Variants in SMOC2 observed in about 807,000 individuals in gnomAD.
The protein encoded by SMOC2 is SPARC-related modular calcium-binding protein 2.
A neutral mutation model predicts 61.4 loss-of-function variants in SMOC2; 39 were observed. The observed-to-expected ratio is 0.64, with a 90% confidence interval of 0.49 to 0.83. SMOC2 has a LOEUF of 0.83. Ranked by LOEUF, SMOC2 falls within the 40% of genes least tolerant of loss-of-function variation. The probability of loss-of-function intolerance (pLI) is 0.00; values close to 1 mark genes in which losing one functional copy is unlikely to be tolerated. For missense variants in SMOC2, 556 were observed against 592.9 expected (o/e 0.94, Z 0.65); for synonymous variants, 247 against 239.9 (o/e 1.03, Z -0.27).
rs140607374 is a variant in SMOC2, at chr6:168,525,193, G to A, written c.257-1153G>A. 1.9e-3 allele frequency among the ~76,000 whole-genome samples: 292 copies of A among 152,356 alleles called. 1 individual carries two copies. Among genetic ancestry groups the A allele is most frequent in the African/African-American group, 6.5e-3 (271 of 41,586 alleles). ...TGGTGTGATGGTCCCAAGAAGTAAA[G>A]CATGCATGTGTGTTCTGCTTCCGGG... On this transcript the variant is annotated intron_variant, in intron 2 of 12. Coordinates refer to ENST00000356284, the MANE Select transcript of SMOC2 (RefSeq NM_001166412.2).
At chr6:168,586,115 T>C (rs142662319) in intron 7 of SMOC2, among the ~76,000 whole-genome samples, 91 of 152,288 alleles carry the variant, frequency 6.0e-4, no homozygotes, top group African/African-American at 2.1e-3. Flanking sequence ...AGTCTTTATA[T>C]TTTTAGCTTT....
intron 9 of SMOC2, among the ~76,000 whole-genome samples, chr6:168,618,241 GC>G (rs1346609888): frequency 6.6e-6 from 1 of 152,222 alleles, no homozygotes; most frequent in Non-Finnish European, 1.5e-5. Context: ...CTACAAACAA[GC>G]CGATCATGAT....
chr6:168,487,997 TGAG>T lies in SMOC2; in HGVS notation c.85-21911_85-21909del, dbSNP rs532585046. Among the ~76,000 whole-genome samples, 307 of 152,318 alleles carry T rather than the reference TGAG, an allele frequency of 2.0e-3. 1 individual carries two copies. The highest frequency in any genetic ancestry group is 7.0e-3 in the African/African-American group (289 of 41,574). ...TAATGGTGATTTCGAGAGCAATATTTGAGGAGGAGTATTTTACTGCTTTTCTCT... is the reference window on the plus strand; with the variant it reads ...TAATGGTGATTTCGAGAGCAATATTTGAGGAGTATTTTACTGCTTTTCTCT... On this transcript the variant is annotated intron_variant, in intron 1 of 12. Coordinates refer to ENST00000356284, the MANE Select transcript of SMOC2 (RefSeq NM_001166412.2).
At chr6:168,613,067 A>G (rs1480153521) in intron 9 of SMOC2, among the ~76,000 whole-genome samples, 1 of 152,174 alleles carries the variant, frequency 6.6e-6, no homozygotes, top group African/African-American at 2.4e-5. Context: ...TCGAATGAGC[A>G]GACTGGCTTT....
chr6:168,567,946 G>A (rs1184475394), intron 7 of SMOC2, among the ~76,000 whole-genome samples: 2 of 151,486 alleles, frequency 1.3e-5, no homozygotes, highest in African/African-American at 4.9e-5. Context: ...TTAGAATTTA[G>A]TGCATCTTCT....
intron 9 of SMOC2, among the ~76,000 whole-genome samples, chr6:168,623,690 A>G (rs565920068): frequency 6.7e-6 from 1 of 150,296 alleles, no homozygotes; most frequent in South Asian, 2.3e-4. Context: ...CATGCCTGTA[A>G]TCCCAGCGAC....
At chr6:168,447,320 T>C (rs1238355933) in intron 1 of SMOC2, among the ~76,000 whole-genome samples, 2 of 152,166 alleles carry the variant, frequency 1.3e-5, no homozygotes, top group Non-Finnish European at 2.9e-5. Flanking sequence ...ATCCACTCAC[T>C]GTGGCTGGTC....
At position 168,554,000 on chromosome 6, in the gene SMOC2, C is replaced by T. The variant is rs1473468473; in HGVS notation, c.637+4797C>T. Among the ~76,000 whole-genome samples the T allele has an allele frequency of 1.3e-5, 2 of 148,990 alleles. No individual in the cohort carries two copies. The highest frequency in any genetic ancestry group is 2.0e-4 in the East Asian group (1 of 5,052). The stretch of plus-strand genomic sequence containing the variant: ...TTGGTAGGAAGATTATTCCATGGGA[C>T]GAGTCGGTTAAAACTCGCGTTTGAA... On this transcript the variant is annotated intron_variant, in intron 7 of 12. Transcript: ENST00000356284. The surrounding 1 kb of genome is among the most constrained non-coding windows in gnomAD (Gnocchi z 4.2).
chr6:168,511,959 G>A (rs1783020128), intron 2 of SMOC2, among the ~76,000 whole-genome samples: 1 of 152,114 alleles, frequency 6.6e-6, no homozygotes. Flanking sequence ...GAAGATGATT[G>A]TATTATACAT....
chr6:168,578,054 G>A (rs147191091), intron 7 of SMOC2, among the ~76,000 whole-genome samples: 12 of 152,306 alleles, frequency 7.9e-5, no homozygotes, highest in African/African-American at 1.4e-4. Context: ...ATCTGTGTCC[G>A]CAGGGTTAAA....
chr6:168,481,555 C>T (rs962505396), intron 1 of SMOC2, among the ~76,000 whole-genome samples: 1 of 151,922 alleles, frequency 6.6e-6, no homozygotes, highest in Non-Finnish European at 1.5e-5. Flanking sequence ...AAATGTTTCA[C>T]TACAAATAGT....
chr6:168,630,280 G>T (rs1786532377), intron 9 of SMOC2, among the ~76,000 whole-genome samples: 1 of 152,208 alleles, frequency 6.6e-6, no homozygotes, highest in Non-Finnish European at 1.5e-5. Context: ...TGAAGCCATG[G>T]CAGAAGAACG....
chr6:168,606,483 GCTGGATGGGGTC>G (rs1785694045), intron 8 of SMOC2, among the ~76,000 whole-genome samples: 1 of 152,180 alleles, frequency 6.6e-6, no homozygotes, highest in Non-Finnish European at 1.5e-5. Context: ...TCTTATGACA[GCTGGATGGGGTC>G]CTCTCACTGG....
chr6:168,660,079 C>T (rs925463430), intron 11 of SMOC2, among the ~76,000 whole-genome samples: 3 of 82,736 alleles, frequency 3.6e-5, no homozygotes, highest in Non-Finnish European at 5.3e-5. Context: ...CTGCTCCTCA[C>T]GGTCTCTGGG....
chr6:168,582,792 C>CAGAGCTG (rs1784949719), intron 7 of SMOC2, among the ~76,000 whole-genome samples: 2 of 152,208 alleles, frequency 1.3e-5, no homozygotes, highest in African/African-American at 4.8e-5. Flanking sequence ...TAGTAACATT[C>CAGAGCTG]AGAAGACTCA....
chr6:168,496,093 T>C (rs779193723), intron 1 of SMOC2, among the ~76,000 whole-genome samples: 10 of 152,260 alleles, frequency 6.6e-5, no homozygotes, highest in Admixed American at 2.6e-4. Context: ...GTTTCTATTC[T>C]CTCTGTAATT....
intron 1 of SMOC2, among the ~76,000 whole-genome samples, chr6:168,458,987 C>A (rs944372860): frequency 7.9e-5 from 12 of 152,132 alleles, no homozygotes; most frequent in Non-Finnish European, 1.2e-4. Context: ...AGTGTGGAAA[C>A]GTGGTCATAA....
chr6:168,664,086 A>T lies in SMOC2; in HGVS notation c.1298A>T (p.His433Leu). 1 of 1,605,358 alleles carries T rather than the reference A, an allele frequency of 6.2e-7. No individual in the cohort carries two copies. ...DTKKRHTPRGHAESTSNRQPR... is the reference protein window; with the variant it reads ...DTKKRHTPRGLAESTSNRQPR... ...TTTTTCCTGCTAGCCCCCAGAGGTC[A>T]TGCTGAAAGTACGTCTAATAGACAG... The change falls in exon 12 of 13, where the codon CAT becomes CTT. Residue 433 changes from histidine (H) to leucine (L), a missense_variant. By Grantham distance (99) the His-to-Leu change is moderately conservative. Coordinates refer to ENST00000356284, the MANE Select transcript of SMOC2 (RefSeq NM_001166412.2).
intron 9 of SMOC2, among the ~76,000 whole-genome samples, chr6:168,610,780 G>T (rs1785837859): frequency 6.7e-6 from 1 of 150,334 alleles, no homozygotes; most frequent in Non-Finnish European, 1.5e-5. Context: ...TATGGCACAA[G>T]AGATCTAGGT....
Sources: allele counts gnomAD v4.1 joint callset (sites outside exome capture counted in the v4.1 genomes callset), GRCh38; gene constraint gnomAD v4.1.1; non-coding constraint Gnocchi (gnomAD v3.1); transcripts MANE v1.5; gene names NCBI Gene and HGNC (gene_info 2026-07-23, HGNC 2026-07-21).